FBXO28: variants seen among roughly 807,000 people sequenced by gnomAD.
FBXO28 encodes the protein F-box protein 28, also known as F-box only protein 28.
Under a neutral mutation model 38.1 loss-of-function variants are expected in FBXO28, and 8 were observed. The observed-to-expected ratio is 0.21, with a 90% CI of 0.12 to 0.38. The LOEUF is 0.38. Among genes scored for constraint, FBXO28 ranks in the 10% least tolerant of loss-of-function variants. The pLI, the probability that FBXO28 is intolerant of heterozygous loss-of-function variation, is 1.00. For missense variants in FBXO28, 345 were observed against 460.6 expected, an observed-to-expected ratio of 0.75 and a Z score of 2.30; for synonymous variants, 168 against 173.8, an observed-to-expected ratio of 0.97 and a Z score of 0.26.
At chr1:224,123,408 A>T (rs1483578000) in intron 1 of FBXO28, among the ~76,000 whole-genome samples, 1 of 120,162 alleles carries the variant, frequency 8.3e-6, no homozygotes, top group African/African-American at 3.2e-5. Flanking sequence ...GTGCCACTCC[A>T]CTCCAGCCTG....
chr1:224,137,809 A>G (rs910095529), intron 3 of FBXO28, among the ~76,000 whole-genome samples: 2 of 151,884 alleles, frequency 1.3e-5, no homozygotes, highest in African/African-American at 2.4e-5. Context: ...GAATGATTCA[A>G]ACCTACAGGT....
chr1:224,160,065 C>G lies in FBXO28; in HGVS notation c.*2319C>G, dbSNP rs774280582. On this transcript the variant is annotated 3_prime_UTR_variant, in exon 5 of 5. Transcript: ENST00000366862. Reference sequence around the variant, plus strand: ...AGTAGGAGAATAAAGCACTACAGTTCGGTTGTTCAAATCTTAAATCTTAGG... The same window carrying G: ...AGTAGGAGAATAAAGCACTACAGTTGGGTTGTTCAAATCTTAAATCTTAGG... The G allele has an allele frequency of 6.6e-6, 1 of 152,134 alleles. No homozygotes were observed. The allele number at this position is 152,134 out of a possible 1,614,324, so 9.4% of individuals were successfully genotyped here. A position where few individuals can be genotyped will look rare whatever the true frequency, so the allele number is the denominator to read the frequency against.
intron 1 of FBXO28, among the ~76,000 whole-genome samples, chr1:224,116,232 TA>T (rs1026118159): frequency 7.5e-4 from 115 of 152,326 alleles, no homozygotes; most frequent in African/African-American, 2.6e-3. Flanking sequence ...ATTAAATGGA[TA>T]ATCCTTTGTG....
chr1:224,157,328 C>G (rs558005256), intron 4 of FBXO28, 24 bp from the exon 5 acceptor site: 3 of 1,561,122 alleles, frequency 1.9e-6, no homozygotes, highest in Admixed American at 4.0e-5. Context: ...AAGTGACTGA[C>G]CCTTTTGAAT....
intron 1 of FBXO28, among the ~76,000 whole-genome samples, chr1:224,128,871 A>G (rs1410175060): frequency 1.3e-5 from 2 of 150,974 alleles, no homozygotes; most frequent in South Asian, 2.1e-4. Context: ...CTGTTGTCTC[A>G]GCTACTTGGG....
intron 3 of FBXO28, among the ~76,000 whole-genome samples, chr1:224,140,924 CAACAGAGTGAG>C (rs1409321708): frequency 7.2e-6 from 1 of 138,726 alleles, no homozygotes; most frequent in Admixed American, 7.7e-5. Context: ...CCAGCCTGGG[CAACAGAGTGAG>C]ATTCTGTCTC....
At chr1:224,114,962 T>G (rs1018017135) in intron 1 of FBXO28, among the ~76,000 whole-genome samples, 2 of 152,222 alleles carry the variant, frequency 1.3e-5, no homozygotes, top group African/African-American at 4.8e-5. Context: ...CGTGTTTACT[T>G]AGCGTTAGCC....
In FBXO28 at chr1:224,160,140, A is replaced by G. The variant is rs572001876; in HGVS notation, c.*2394A>G. The G allele has an allele frequency of 6.6e-6, 1 of 152,280 alleles. No individual in the cohort carries two copies. The highest frequency in any genetic ancestry group is 2.1e-4 in the South Asian group (1 of 4,822). 9.4% of individuals were successfully genotyped at this position (152,280 alleles called of 1,614,324 possible). A position where few individuals can be genotyped will look rare whatever the true frequency, so the allele number is the denominator to read the frequency against. On this transcript the variant is annotated 3_prime_UTR_variant, in exon 5 of 5. Coordinates refer to ENST00000366862, the MANE Select transcript of FBXO28 (RefSeq NM_015176.4). ...TATTGCCTTCACCACTTGTTAGGACAGTTATTTGATAGCCATTATGCTTAC... is the reference window on the plus strand; with the variant it reads ...TATTGCCTTCACCACTTGTTAGGACGGTTATTTGATAGCCATTATGCTTAC...
chr1:224,116,844 T>C (rs1656654513), intron 1 of FBXO28, among the ~76,000 whole-genome samples: 1 of 152,212 alleles, frequency 6.6e-6, no homozygotes, highest in African/African-American at 2.4e-5. Context: ...TTACCATGAA[T>C]AACTGATTTC....
At chr1:224,143,853 A>C (rs912744094) in intron 3 of FBXO28, among the ~76,000 whole-genome samples, 2 of 151,256 alleles carry the variant, frequency 1.3e-5, no homozygotes, top group East Asian at 1.9e-4. Context: ...AAAAAAAGAA[A>C]AATGAATGAA....
At chr1:224,147,666 A>G (rs766143881) in intron 3 of FBXO28, among the ~76,000 whole-genome samples, 3 of 151,948 alleles carry the variant, frequency 2.0e-5, no homozygotes, top group African/African-American at 7.3e-5. Flanking sequence ...GGAGGGACTG[A>G]CTATTTTACT....
chr1:224,119,431 C>T (rs1199622235), intron 1 of FBXO28, among the ~76,000 whole-genome samples: 2 of 152,038 alleles, frequency 1.3e-5, no homozygotes, highest in Non-Finnish European at 2.9e-5. Context: ...GCCACCGTGC[C>T]CGGCCCCACT....
chr1:224,144,233 A>G (rs1407445598), intron 3 of FBXO28, among the ~76,000 whole-genome samples: 1 of 149,860 alleles, frequency 6.7e-6, no homozygotes, highest in Non-Finnish European at 1.5e-5. Flanking sequence ...GGAGGCCAAG[A>G]TAGGAGGATC....
intron 1 of FBXO28, among the ~76,000 whole-genome samples, chr1:224,116,499 T>C (rs566339734): frequency 2.4e-4 from 36 of 152,356 alleles, no homozygotes; most frequent in South Asian, 1.0e-3. Flanking sequence ...CTCTTCATTG[T>C]AAGCATATTT....
chr1:224,121,310 A>G (rs377487803), intron 1 of FBXO28, among the ~76,000 whole-genome samples: 2 of 152,336 alleles, frequency 1.3e-5, no homozygotes, highest in East Asian at 3.9e-4. Context: ...AATTCTTCCT[A>G]ATTGTTATAC....
chr1:224,142,342 ACT>A (rs1326187209), intron 3 of FBXO28, among the ~76,000 whole-genome samples: 10 of 134,184 alleles, frequency 7.5e-5, no homozygotes, highest in Admixed American at 3.2e-4. Context: ...ACAGAGCAAG[ACT>A]CTGCCTCAAA....
intron 1 of FBXO28, among the ~76,000 whole-genome samples, chr1:224,117,782 C>T (rs1033070061): frequency 5.3e-5 from 8 of 151,206 alleles, no homozygotes; most frequent in Non-Finnish European, 1.2e-4. Flanking sequence ...CCAGGGTGGG[C>T]GGATCACTTG....
intron 4 of FBXO28, among the ~76,000 whole-genome samples, chr1:224,153,908 C>T (rs1163659732): frequency 3.5e-5 from 5 of 142,476 alleles, no homozygotes; most frequent in South Asian, 2.2e-4. Flanking sequence ...GCAACAAGAG[C>T]GAAACTCCAT....
intron 3 of FBXO28, among the ~76,000 whole-genome samples, chr1:224,137,543 AAAAG>A (rs1306581844): frequency 6.6e-6 from 1 of 151,860 alleles, no homozygotes; most frequent in East Asian, 1.9e-4. Flanking sequence ...AGAAAAAAGA[AAAAG>A]GAAGACAGAA....
Sources: allele counts gnomAD v4.1 joint callset (sites outside exome capture counted in the v4.1 genomes callset), GRCh38; gene constraint gnomAD v4.1.1; transcripts MANE v1.5; gene names NCBI Gene and HGNC (gene_info 2026-07-23, HGNC 2026-07-21).